Variants in CDH8 observed in about 807,000 individuals in gnomAD.
The protein encoded by CDH8 is cadherin 8.
In CDH8, 17 loss-of-function variants were observed where a neutral mutation model predicts 68.1. The ratio of observed to expected loss-of-function variants is 0.25; its 90% CI spans 0.17 to 0.37. CDH8 has a LOEUF of 0.37. CDH8 is among the 10% of genes least tolerant of loss of function. The pLI is 1.00. For synonymous variants in CDH8, 372 were observed against 365.1 expected (o/e 1.02, Z -0.21); for missense variants, 763 against 999.3 (o/e 0.76, Z 3.19).
intron 2 of CDH8, among the ~76,000 whole-genome samples, chr16:61,960,534 T>C (rs1416598332): frequency 6.6e-6 from 1 of 152,138 alleles, no homozygotes; most frequent in Non-Finnish European, 1.5e-5. Flanking sequence ...TGTTTAACTA[T>C]TTTTTCTTAG....
chr16:61,712,824 T>C (rs182718662), intron 10 of CDH8, among the ~76,000 whole-genome samples: 3 of 151,780 alleles, frequency 2.0e-5, no homozygotes, highest in Admixed American at 2.0e-4. Flanking sequence ...ATGTAGCATT[T>C]TGTTCAAAGG....
intron 7 of CDH8, among the ~76,000 whole-genome samples, chr16:61,794,338 T>A (rs953559659): frequency 7.9e-5 from 12 of 152,048 alleles, no homozygotes; most frequent in African/African-American, 2.9e-4. Context: ...CTTAGTCTCA[T>A]TACTGGCGTA....
intron 4 of CDH8, among the ~76,000 whole-genome samples, chr16:61,853,397 A>G (rs1962980119): frequency 6.6e-6 from 1 of 152,144 alleles, no homozygotes; most frequent in Non-Finnish European, 1.5e-5. Flanking sequence ...ACAGCAAAGA[A>G]GAGCTGACAG....
intron 10 of CDH8, among the ~76,000 whole-genome samples, chr16:61,704,142 G>T (rs533049384): frequency 6.6e-6 from 1 of 152,196 alleles, no homozygotes; most frequent in African/African-American, 2.4e-5. Flanking sequence ...CTACATTCTA[G>T]GTATATCCCT....
intron 7 of CDH8, among the ~76,000 whole-genome samples, chr16:61,797,570 T>C (rs1429200403): frequency 6.6e-6 from 1 of 152,078 alleles, no homozygotes; most frequent in African/African-American, 2.4e-5. Flanking sequence ...ATCTAAAAAA[T>C]GAGAACAACA....
chr16:62,018,155 G>A (rs1006063710), intron 2 of CDH8, among the ~76,000 whole-genome samples: 1 of 152,126 alleles, frequency 6.6e-6, no homozygotes, highest in Non-Finnish European at 1.5e-5. Context: ...CCAGAAAGTG[G>A]CCAAGCTCAT....
chr16:61,702,199 C>G (rs1237219230), intron 10 of CDH8, among the ~76,000 whole-genome samples: 1 of 152,004 alleles, frequency 6.6e-6, no homozygotes, highest in African/African-American at 2.4e-5. Flanking sequence ...GGTGAAACCC[C>G]GTCTCTACTA....
chr16:61,925,945 G>T (rs1242978069), intron 2 of CDH8, among the ~76,000 whole-genome samples: 2 of 152,024 alleles, frequency 1.3e-5, no homozygotes, highest in African/African-American at 2.4e-5. Context: ...AGCAATAAAC[G>T]TATATTGAGA....
intron 3 of CDH8, among the ~76,000 whole-genome samples, chr16:61,859,155 G>A (rs1459411688): frequency 6.6e-6 from 1 of 152,104 alleles, no homozygotes; most frequent in East Asian, 1.9e-4. Context: ...AAAATCTGCA[G>A]TTATAAAAAA....
At chr16:61,711,275 A>G (rs1964625893) in intron 10 of CDH8, among the ~76,000 whole-genome samples, 1 of 151,878 alleles carries the variant, frequency 6.6e-6, no homozygotes, top group Admixed American at 6.6e-5. Flanking sequence ...ATAATTTTGA[A>G]TTGAAATATA....
In CDH8 at chr16:61,653,390, C is replaced by T. The variant is rs1963367148; in HGVS notation, c.*218G>A. On this transcript the variant is annotated 3_prime_UTR_variant, in exon 12 of 12. Coordinates refer to ENST00000577390, the MANE Select transcript of CDH8 (RefSeq NM_001796.5). ...TATCCAAGGACTTCTAGACACTCCA[C>T]ATACTTAATTCACACTCCACAAGAT... 1.5e-6 allele frequency: 2 copies of T among 1,349,602 alleles called. No homozygotes were observed. Among genetic ancestry groups the T allele is most frequent in the African/African-American group, 3.0e-5 (2 of 67,728 alleles). The allele number at this position is 1,349,602 out of a possible 1,614,324, so 83.6% of individuals were successfully genotyped here.
At chr16:62,017,553 C>T (rs927477316) in intron 2 of CDH8, among the ~76,000 whole-genome samples, 7 of 152,226 alleles carry the variant, frequency 4.6e-5, no homozygotes, top group African/African-American at 1.7e-4. Context: ...CATGGTGGTG[C>T]ATGATTGTAG....
chr16:62,030,447 T>C (rs1336479972), intron 1 of CDH8, among the ~76,000 whole-genome samples: 2 of 152,180 alleles, frequency 1.3e-5, no homozygotes, highest in Non-Finnish European at 2.9e-5. Flanking sequence ...GAATTCTGTT[T>C]ATAAAGCTCA....
At chr16:61,820,512 C>T (rs1962188963) in intron 6 of CDH8, among the ~76,000 whole-genome samples, 1 of 151,712 alleles carries the variant, frequency 6.6e-6, no homozygotes, top group Non-Finnish European at 1.5e-5. Context: ...TACTGAGAAT[C>T]CTTTTACAAT....
chr16:61,983,037 AAG>A (rs1202969201), intron 2 of CDH8, among the ~76,000 whole-genome samples: 10 of 152,346 alleles, frequency 6.6e-5, no homozygotes, highest in African/African-American at 1.9e-4. Context: ...TAATACTAAA[AAG>A]AGCATTCATA....
At chr16:61,681,400 C>G (rs562361726) in intron 10 of CDH8, among the ~76,000 whole-genome samples, 2 of 151,978 alleles carry the variant, frequency 1.3e-5, no homozygotes, top group East Asian at 3.9e-4. Flanking sequence ...AAACTCACTA[C>G]TCTACATGAA....
chr16:61,943,115 A>G (rs1964750014), intron 2 of CDH8, among the ~76,000 whole-genome samples: 1 of 152,114 alleles, frequency 6.6e-6, no homozygotes, highest in Non-Finnish European at 1.5e-5. Flanking sequence ...TACAGAAAAT[A>G]TTTTCCAGAA....
intron 8 of CDH8, among the ~76,000 whole-genome samples, chr16:61,768,330 C>CTG (rs1960655762): frequency 9.0e-6 from 1 of 111,470 alleles, no homozygotes. Flanking sequence ...CTCTCTCTCT[C>CTG]TCTCTCTCTC....
Position 61,857,210 on chromosome 16 carries a change from G to A in CDH8, c.576C>T (p.Thr192=), listed in dbSNP as rs759267294. The A allele has an allele frequency of 2.0e-5, 32 of 1,612,220 alleles. No homozygotes were observed. Among genetic ancestry groups the A allele is most frequent in the Middle Eastern group, 1.6e-4 (1 of 6,082 alleles). Residue 192 remains threonine (T), a synonymous_variant, in exon 4 of 12, where the codon ACC becomes ACT. Transcript: ENST00000577390. ...TTCCATAAACTGGGTCATCAGCGTC[G>A]GTCGCAGTGACGTTAGTGACAGATG... ...LGTSVTNVTA[T]DADDPVYGNS... is the part of the protein sequence containing the mutation.
Sources: allele counts gnomAD v4.1 joint callset (sites outside exome capture counted in the v4.1 genomes callset), GRCh38; gene constraint gnomAD v4.1.1; transcripts MANE v1.5; gene names NCBI Gene and HGNC (gene_info 2026-07-23, HGNC 2026-07-21).